The following ZNF385C variants were observed in gnomAD, a reference collection of about 807,000 sequenced individuals.
ZNF385C encodes the protein CTD-2132N18.2.
A neutral mutation model predicts 35.4 loss-of-function variants in ZNF385C; 28 were observed. That is an observed-to-expected ratio of 0.79 (90% CI 0.59 to 1.08). ZNF385C has a LOEUF of 1.08. Among genes scored for constraint, ZNF385C ranks in the 50% least tolerant of loss-of-function variants. ZNF385C has a pLI of 0.00. For synonymous variants in ZNF385C, 248 were observed against 248.2 expected (o/e 1.00, Z 0.01); for missense variants, 605 against 595.6 (o/e 1.02, Z -0.16).
intron 1 of ZNF385C, among the ~76,000 whole-genome samples, chr17:42,098,055 G>A (rs1250132103): frequency 1.3e-5 from 2 of 152,198 alleles, no homozygotes; most frequent in Non-Finnish European, 2.9e-5. Context: ...CTTGGATGAG[G>A]CATGGCGCAC....
At chr17:42,048,855 A>AG (rs2053225215) in intron 2 of ZNF385C, among the ~76,000 whole-genome samples, 1 of 151,262 alleles carries the variant, frequency 6.6e-6, no homozygotes, top group African/African-American at 2.4e-5. Context: ...TCTTAACCAG[A>AG]GGGGGGCTTT....
intron 1 of ZNF385C, among the ~76,000 whole-genome samples, chr17:42,069,140 AG>A (rs1348432680): frequency 7.2e-5 from 11 of 151,934 alleles, no homozygotes; most frequent in Admixed American, 6.6e-4. Flanking sequence ...TGCTGCAGAG[AG>A]GGTAGGGGTT....
intron 1 of ZNF385C, among the ~76,000 whole-genome samples, chr17:42,085,638 C>T (rs192010736): frequency 3.4e-5 from 5 of 145,748 alleles, no homozygotes; most frequent in African/African-American, 1.3e-4. Flanking sequence ...CACTTTGTCG[C>T]CCAGGCTGGA....
intron 1 of ZNF385C, among the ~76,000 whole-genome samples, chr17:42,080,237 A>T (rs546034251): frequency 6.6e-6 from 1 of 152,294 alleles, no homozygotes; most frequent in Admixed American, 6.5e-5. Flanking sequence ...GGAAAGCCTG[A>T]GGATCCAGGG....
At chr17:42,072,314 C>G (rs73309802) in intron 1 of ZNF385C, among the ~76,000 whole-genome samples, 13,019 of 152,180 alleles carry the variant, frequency 0.086, 605 homozygotes, top group African/African-American at 0.12. Context: ...CTCTCTCCCC[C>G]TAATGGGAGC....
In ZNF385C at chr17:42,027,705, T is replaced by C. The variant is rs782333255; in HGVS notation, c.1188A>G (p.Lys396=). The C allele has an allele frequency of 2.5e-6, 4 of 1,612,826 alleles. No homozygotes were observed. The East Asian group carries it at 8.9e-5, about 36-fold the overall frequency. The change falls in exon 8 of 9, where the codon AAA becomes AAG. Residue 396 remains lysine, a synonymous_variant. Coordinates refer to ENST00000692273, the MANE Select transcript of ZNF385C (RefSeq NM_001392013.1). ...LKQHMSSRRH[K]DRLAGKTPKP... is the part of the protein sequence containing the mutation. Reference sequence around the variant, plus strand: ...TGGGGGTCTTCCCGGCCAGGCGGTCTTTGTGCCTCCTGCTGCTCATGTGCT... The same window carrying C: ...TGGGGGTCTTCCCGGCCAGGCGGTCCTTGTGCCTCCTGCTGCTCATGTGCT...
chr17:42,076,695 A>T (rs1341293764), intron 1 of ZNF385C, among the ~76,000 whole-genome samples: 1 of 152,212 alleles, frequency 6.6e-6, no homozygotes, highest in Non-Finnish European at 1.5e-5. Flanking sequence ...TCACACAGCT[A>T]GAAAGGGGCA....
At chr17:42,038,148 TA>T in intron 2 of ZNF385C, 1 of 1,385,558 alleles carries the variant, frequency 7.2e-7, no homozygotes, top group Non-Finnish European at 9.7e-7. Context: ...TGAGGCAGCA[TA>T]CTGAACCCCA....
intron 1 of ZNF385C, among the ~76,000 whole-genome samples, chr17:42,072,142 C>T (rs1214063755): frequency 6.6e-6 from 1 of 152,194 alleles, no homozygotes; most frequent in Non-Finnish European, 1.5e-5. Context: ...CTACCCCTTC[C>T]CTTCTATTCC....
intron 1 of ZNF385C, among the ~76,000 whole-genome samples, chr17:42,093,082 C>T (rs1023215681): frequency 1.3e-5 from 2 of 152,220 alleles, no homozygotes. Context: ...ACAGCCGCTC[C>T]TGTGCAAGAA....
At chr17:42,073,944 A>AT (rs1336658404) in intron 1 of ZNF385C, among the ~76,000 whole-genome samples, 2 of 132,392 alleles carry the variant, frequency 1.5e-5, no homozygotes, top group East Asian at 3.9e-4. Flanking sequence ...GTCTCCTAGC[A>AT]CTTCCTGGTT....
At chr17:42,048,092 C>T (rs2053205535) in intron 2 of ZNF385C, among the ~76,000 whole-genome samples, 1 of 151,988 alleles carries the variant, frequency 6.6e-6, no homozygotes, top group African/African-American at 2.4e-5. Flanking sequence ...GTCATCTCCT[C>T]CCCCCCTTCC....
In ZNF385C at chr17:42,031,657, G is replaced by T. The variant is rs782784982; in HGVS notation, c.638C>A (p.Thr213Lys). 1.3e-6 allele frequency: 2 copies of T among 1,550,658 alleles called. No homozygotes were observed. The highest frequency in any genetic ancestry group is 1.7e-6 in the Non-Finnish European group (2 of 1,147,014). ...QDGAVVSPIP[T>K]LASGAPGEPQ... is the part of the protein sequence containing the mutation. The stretch of plus-strand genomic sequence containing the variant: ...CTCTCCAGGGGCTCCACTGGCCAGC[G>T]TTGGGATTGGGGACACTACAGCCCC... Residue 213 changes from threonine (T) to lysine (K), a missense_variant, in exon 5 of 9, where the codon ACG becomes AAG. Thr to Lys is a moderately conservative substitution (Grantham distance 78, BLOSUM62 -1). Transcript: ENST00000692273.
chr17:42,037,979 G>A, intron 2 of ZNF385C, 94 bp from the exon 3 acceptor site: 2 of 1,540,778 alleles, frequency 1.3e-6, no homozygotes, highest in Admixed American at 3.9e-5. Flanking sequence ...TGTGGAGCTG[G>A]GCAGAAACCT....
chr17:42,072,089 A>G (rs2053632615), intron 1 of ZNF385C, among the ~76,000 whole-genome samples: 1 of 152,112 alleles, frequency 6.6e-6, no homozygotes, highest in South Asian at 2.1e-4. Context: ...GAGCAGGAGT[A>G]CTTTTTGCAC....
intron 1 of ZNF385C, among the ~76,000 whole-genome samples, chr17:42,066,280 G>A (rs1342338204): frequency 6.6e-6 from 1 of 151,750 alleles, no homozygotes; most frequent in African/African-American, 2.4e-5. Context: ...GGATGGTCTC[G>A]ATCTCTTGAC....
At chr17:42,040,237 C>T (rs1414157543) in intron 2 of ZNF385C, 2 of 1,231,482 alleles carry the variant, frequency 1.6e-6, no homozygotes, top group African/African-American at 1.6e-5. Context: ...TAGGCCCTTC[C>T]GCATGGAGTC....
intron 3 of ZNF385C, among the ~76,000 whole-genome samples, chr17:42,036,863 C>T (rs2052867087): frequency 6.6e-6 from 1 of 152,150 alleles, no homozygotes; most frequent in Admixed American, 6.5e-5. Flanking sequence ...GGAAGGGATT[C>T]CTAAGTGTGA....
intron 2 of ZNF385C, among the ~76,000 whole-genome samples, chr17:42,057,954 AAAAGAATG>A (rs1555657694): frequency 1.3e-5 from 2 of 151,990 alleles, no homozygotes; most frequent in African/African-American, 4.8e-5. Flanking sequence ...AAAAAAAGAA[AAAAGAATG>A]AAAGGGCTTC....
Sources: gnomAD v4.1 joint callset for allele counts (sites outside exome capture counted in the v4.1 genomes callset) on GRCh38, gnomAD v4.1.1 for gene constraint, MANE v1.5 for transcripts, NCBI Gene and HGNC (gene_info 2026-07-23, HGNC 2026-07-21) for gene names.